ZNF26: variants seen among roughly 807,000 people sequenced by gnomAD.
The protein encoded by ZNF26 is epididymis luminal protein 179.
Under a neutral mutation model 54.9 loss-of-function variants are expected in ZNF26, and 32 were observed. That is an observed-to-expected ratio of 0.58 (90% CI 0.44 to 0.78). The LOEUF is 0.78. Ranked by LOEUF, ZNF26 falls within the 30% of genes least tolerant of loss-of-function variation. The pLI is 0.00. For synonymous variants in ZNF26, 221 were observed against 209.2 expected, an observed-to-expected ratio of 1.06 and a Z score of -0.49; for missense variants, 524 against 634.0, an observed-to-expected ratio of 0.83 and a Z score of 1.86.
intron 1 of ZNF26, among the ~76,000 whole-genome samples, chr12:132,996,905 T>C (rs1953097443): frequency 6.6e-6 from 1 of 152,124 alleles, no homozygotes. Context: ...TTGTTTTGTT[T>C]TGTTTTGTTT....
Position 133,012,048 on chromosome 12 carries a change from A to C in ZNF26, c.*567A>C, listed in dbSNP as rs1281861542. The C allele has an allele frequency of 3.9e-5, 6 of 152,134 alleles. No individual in the cohort carries two copies. The highest frequency in any genetic ancestry group is 6.5e-5 in the Admixed American group (1 of 15,268). The allele number at this position is 152,134 out of a possible 1,614,324, so 9.4% of individuals were successfully genotyped here. A position where few individuals can be genotyped will look rare whatever the true frequency, so the allele number is the denominator to read the frequency against. On this transcript the variant is annotated 3_prime_UTR_variant, in exon 4 of 4. Coordinates refer to ENST00000328654, the MANE Select transcript of ZNF26 (RefSeq NM_019591.4). ...AATGTAACTTGTTCTATCTATCTAT[A>C]TATATATTTGATAGTTTGTGGAATA...
At chr12:132,990,830 G>T (rs1419499890) in intron 1 of ZNF26, among the ~76,000 whole-genome samples, 1 of 152,048 alleles carries the variant, frequency 6.6e-6, no homozygotes, top group African/African-American at 2.4e-5. Context: ...ACGTAGAATT[G>T]TACATAGTAT....
At chr12:132,991,974 C>G (rs1041933280) in intron 1 of ZNF26, among the ~76,000 whole-genome samples, 4 of 151,926 alleles carry the variant, frequency 2.6e-5, no homozygotes, top group Admixed American at 6.6e-5. Flanking sequence ...ATGGTGAAAC[C>G]CTGTCTCTAC....
Position 133,018,116 on chromosome 12 carries a change from A to G in ZNF26, c.*6635A>G, listed in dbSNP as rs7969258. The G allele has an allele frequency of 0.93, 140,970 of 152,260 alleles. 65,534 individuals carry two copies. The highest frequency in any genetic ancestry group is 1 in the East Asian group (5,181 of 5,188). 9.4% of individuals were successfully genotyped at this position (152,260 alleles called of 1,614,324 possible). A position where few individuals can be genotyped will look rare whatever the true frequency, so the allele number is the denominator to read the frequency against. ...ACCAATAACACCACAAAGGAGGAGG[A>G]TGGGAGAAGAGTCGTGTTGGGGTAA... is the stretch of plus-strand genomic sequence containing the variant. On this transcript the variant is annotated 3_prime_UTR_variant, in exon 4 of 4. Transcript: ENST00000328654.
intron 1 of ZNF26, among the ~76,000 whole-genome samples, chr12:132,994,786 T>C (rs1410219975): frequency 6.6e-6 from 1 of 152,256 alleles, no homozygotes; most frequent in Non-Finnish European, 1.5e-5. Flanking sequence ...CTATCATTTC[T>C]GTTAGGCACA....
intron 1 of ZNF26, among the ~76,000 whole-genome samples, chr12:132,990,560 T>G (rs1464039203): frequency 6.6e-6 from 1 of 152,208 alleles, no homozygotes; most frequent in African/African-American, 2.4e-5. Flanking sequence ...CTTTATAGAC[T>G]GAGTTAGGAT....
intron 1 of ZNF26, among the ~76,000 whole-genome samples, chr12:132,999,367 T>A (rs1953161018): frequency 6.6e-6 from 1 of 152,162 alleles, no homozygotes; most frequent in Non-Finnish European, 1.5e-5. Context: ...GTGATTCTCC[T>A]GCCTCAGCCT....
chr12:132,995,188 A>C (rs1953050285), intron 1 of ZNF26: 2 of 152,414 alleles, frequency 1.3e-5, no homozygotes, highest in African/African-American at 2.4e-5. Context: ...GAGGTTTTCC[A>C]CTTTTCAAAA....
In ZNF26 at chr12:133,020,002, A is replaced by C. The variant is rs1416585247; in HGVS notation, c.*8521A>C. 1 of 152,264 alleles carries C rather than the reference A, an allele frequency of 6.6e-6. No individual in the cohort carries two copies. Among genetic ancestry groups the C allele is most frequent in the Non-Finnish European group, 1.5e-5 (1 of 68,104 alleles). The allele number at this position is 152,264 out of a possible 1,614,324, so 9.4% of individuals were successfully genotyped here. A position where few individuals can be genotyped will look rare whatever the true frequency, so the allele number is the denominator to read the frequency against. ...TCCCAGCTACTCGGGAGGCTGAGGC[A>C]GGAGAATCACTTGAACCCGGGAGGC... On this transcript the variant is annotated 3_prime_UTR_variant, in exon 4 of 4. Coordinates refer to ENST00000328654, the MANE Select transcript of ZNF26 (RefSeq NM_019591.4).
At chr12:133,003,972 G>A (rs1286269183) in intron 1 of ZNF26, among the ~76,000 whole-genome samples, 1 of 152,160 alleles carries the variant, frequency 6.6e-6, no homozygotes, top group Non-Finnish European at 1.5e-5. Context: ...TGCTAATTCT[G>A]TGAGTATCAG....
rs1443602100 is a variant in ZNF26 at position 133,017,434 on chromosome 12, C to T, written c.*5953C>T. On this transcript the variant is annotated 3_prime_UTR_variant, in exon 4 of 4. Coordinates refer to ENST00000328654, the MANE Select transcript of ZNF26 (RefSeq NM_019591.4). ...GTGGCAGTACTTGACAAGCACAGGG[C>T]ACCGTCCTCCAAGATGCAGTCCTGG... 1.3e-5 allele frequency: 2 copies of T among 152,178 alleles called. No homozygotes were observed. The highest frequency in any genetic ancestry group is 6.5e-5 in the Admixed American group (1 of 15,272). 9.4% of individuals were successfully genotyped at this position (152,178 alleles called of 1,614,324 possible). A position where few individuals can be genotyped will look rare whatever the true frequency, so the allele number is the denominator to read the frequency against.
At chr12:132,997,496 T>C (rs1187039975) in intron 1 of ZNF26, among the ~76,000 whole-genome samples, 4 of 152,140 alleles carry the variant, frequency 2.6e-5, no homozygotes, top group Non-Finnish European at 5.9e-5. Context: ...ACATGGTCGA[T>C]GAGCTTCCAA....
In ZNF26 at chr12:133,015,535, C is replaced by T. The variant is rs1434437382; in HGVS notation, c.*4054C>T. ...ATAAGATGCTTTCCTATGGTCCCAG[C>T]TACTTGGGAGGCTGAGGCAGGAGTG... is the stretch of plus-strand genomic sequence containing the variant. On this transcript the variant is annotated 3_prime_UTR_variant, in exon 4 of 4. Coordinates refer to ENST00000328654, the MANE Select transcript of ZNF26 (RefSeq NM_019591.4). 1 of 152,104 alleles carries T rather than the reference C, an allele frequency of 6.6e-6. No homozygotes were observed. Among genetic ancestry groups the T allele is most frequent in the Non-Finnish European group, 1.5e-5 (1 of 68,046 alleles). 9.4% of individuals were successfully genotyped at this position (152,104 alleles called of 1,614,324 possible).
rs1953211218 is a variant in ZNF26, at chr12:133,001,163, A to C, written c.34-5879A>C. On this transcript the variant is annotated intron_variant, in intron 1 of 3. Transcript: ENST00000328654. The surrounding 1 kb of genome is among the most constrained non-coding windows in gnomAD (Gnocchi z 4.7). ...GCACAGTAGTGGCTTCATTTTTCTC[A>C]TCACAGCCTCAGGCTTCCTGTCAGC... 1.3e-5 allele frequency among the ~76,000 whole-genome samples: 2 copies of C among 152,144 alleles called. No homozygotes were observed. Among genetic ancestry groups the C allele is most frequent in the South Asian group, 4.1e-4 (2 of 4,822 alleles).
rs1953560384 is a variant in ZNF26, at chr12:133,015,981, TGGG to T, written c.*4503_*4505del. Reference sequence around the variant, plus strand: ...TATTTCCATATATCTTCATTTGTCTTGGGGGTAAGTGTTGAGAGAAGGAAGTGG... The same window carrying T: ...TATTTCCATATATCTTCATTTGTCTTGGTAAGTGTTGAGAGAAGGAAGTGG... On this transcript the variant is annotated 3_prime_UTR_variant, in exon 4 of 4. Coordinates refer to ENST00000328654, the MANE Select transcript of ZNF26 (RefSeq NM_019591.4). 1 of 152,158 alleles carries T rather than the reference TGGG, an allele frequency of 6.6e-6. No homozygotes were observed. The highest frequency in any genetic ancestry group is 1.5e-5 in the Non-Finnish European group (1 of 68,026). 9.4% of individuals were successfully genotyped at this position (152,158 alleles called of 1,614,324 possible).
chr12:132,993,389 T>C (rs1032786099), intron 1 of ZNF26, among the ~76,000 whole-genome samples: 2 of 152,080 alleles, frequency 1.3e-5, no homozygotes, highest in East Asian at 3.9e-4. Context: ...TATTCATGGT[T>C]GTTTTAAGTT....
rs372287760 is a variant in ZNF26, at chr12:133,021,118, A to T, written c.*9637A>T. On this transcript the variant is annotated 3_prime_UTR_variant, in exon 4 of 4. Transcript: ENST00000328654. ...CTCATACATTTTTTTTTTCTTTTTC[A>T]TTTTTTTTTTTTTTTTTTGAGACGG... The T allele has an allele frequency of 4.5e-5, 5 of 110,420 alleles. No individual in the cohort carries two copies. Among genetic ancestry groups the T allele is most frequent in the South Asian group, 3.2e-4 (1 of 3,172 alleles). The allele number at this position is 110,420 out of a possible 1,614,324, so 6.8% of individuals were successfully genotyped here.
intron 1 of ZNF26, among the ~76,000 whole-genome samples, chr12:132,992,701 C>T (rs1025468739): frequency 6.6e-4 from 100 of 152,272 alleles, no homozygotes; most frequent in African/African-American, 1.9e-3. Context: ...AGTTGGGGAA[C>T]GTACTGAAGT....
In ZNF26 at chr12:133,001,681, G is replaced by C. The variant is rs968053019; in HGVS notation, c.34-5361G>C. The C allele has an allele frequency of 1.6e-6, 2 of 1,289,136 alleles. No homozygotes were observed. Among genetic ancestry groups the C allele is most frequent in the Non-Finnish European group, 1.0e-6 (1 of 988,708 alleles). 79.9% of individuals were successfully genotyped at this position (1,289,136 alleles called of 1,614,324 possible). On this transcript the variant is annotated intron_variant, in intron 1 of 3. Transcript: ENST00000328654. The surrounding 1 kb of genome is among the most constrained non-coding windows in gnomAD (Gnocchi z 4.7). Reference sequence around the variant, plus strand: ...GCTAATGAGCTCAAGTGTCAAGTTCGGGAATCTTCTGGGTGTTCCTTGGGC... The same window carrying C: ...GCTAATGAGCTCAAGTGTCAAGTTCCGGAATCTTCTGGGTGTTCCTTGGGC...
Sources: gnomAD v4.1 joint callset for allele counts (sites outside exome capture counted in the v4.1 genomes callset) on GRCh38, gnomAD v4.1.1 for gene constraint, Gnocchi (gnomAD v3.1) non-coding constraint, MANE v1.5 for transcripts, NCBI Gene and HGNC (gene_info 2026-07-23, HGNC 2026-07-21) for gene names.